Variants in SREK1IP1 observed in about 807,000 individuals in gnomAD.
SREK1IP1 encodes the protein SREK1 interacting protein 1, also known as protein SREK1IP1.
Under a neutral mutation model 22.8 loss-of-function variants are expected in SREK1IP1, and 12 were observed. That is an observed-to-expected ratio of 0.53 (90% CI 0.34 to 0.85). The LOEUF (loss-of-function observed/expected upper bound fraction) is 0.85. Ranked by LOEUF, SREK1IP1 falls within the 40% of genes least tolerant of loss-of-function variation. SREK1IP1 has a pLI of 0.02. For synonymous variants in SREK1IP1, 53 were observed against 52.7 expected (o/e 1.01, Z -0.02); for missense variants, 147 against 171.8 (o/e 0.86, Z 0.81).
intron 2 of SREK1IP1, among the ~76,000 whole-genome samples, chr5:64,753,011 G>T (rs528270582): frequency 4.6e-5 from 7 of 152,242 alleles, no homozygotes; most frequent in African/African-American, 1.7e-4. Context: ...TTGACAAAAC[G>T]ATTTGCTGAC....
chr5:64,724,655 T>A (rs1321666721), intron 4 of SREK1IP1, 82 bp from the exon 5 acceptor site: 2 of 1,135,880 alleles, frequency 1.8e-6, no homozygotes, highest in East Asian at 5.0e-5. Flanking sequence ...CTGCCTTAAA[T>A]TCTTCTTGGA....
intron 1 of SREK1IP1, among the ~76,000 whole-genome samples, chr5:64,767,275 T>C (rs745551593): frequency 7.2e-5 from 11 of 152,238 alleles, no homozygotes; most frequent in Non-Finnish European, 1.6e-4. Context: ...TTTGGTGCCC[T>C]TACTTTGTGC....
In SREK1IP1 at chr5:64,755,908, G is replaced by GA. The variant is rs547138032; in HGVS notation, c.14-1547dup. ...ATATTCTCCTGTTTTCCATTAGAAGGAAAAAATATCTAATTTCTTATAGGA... is the reference window on the plus strand; with the variant it reads ...ATATTCTCCTGTTTTCCATTAGAAGGAAAAAAATATCTAATTTCTTATAGGA... On this transcript the variant is annotated intron_variant, in intron 1 of 4. Transcript: ENST00000513458. 1.6e-3 allele frequency among the ~76,000 whole-genome samples: 243 copies of GA among 151,750 alleles called. 1 individual carries two copies. Among genetic ancestry groups the GA allele is most frequent in the African/African-American group, 5.6e-3 (232 of 41,420 alleles).
rs145863790 is a variant in SREK1IP1 at position 64,720,011 on chromosome 5, T to A, written c.*4373A>T. The A allele has an allele frequency of 2.0e-5, 3 of 152,354 alleles. No individual in the cohort carries two copies. Among genetic ancestry groups the A allele is most frequent in the African/African-American group, 7.2e-5 (3 of 41,572 alleles). The allele number at this position is 152,354 out of a possible 1,614,324, so 9.4% of individuals were successfully genotyped here. A position where few individuals can be genotyped will look rare whatever the true frequency, so the allele number is the denominator to read the frequency against. On this transcript the variant is annotated 3_prime_UTR_variant, in exon 5 of 5. Transcript: ENST00000513458. ...ACCTGAGGTAGAACCACAGGGCTCATCCAGTGGACCAACTGGTATGTTTCT... is the reference window on the plus strand; with the variant it reads ...ACCTGAGGTAGAACCACAGGGCTCAACCAGTGGACCAACTGGTATGTTTCT...
At position 64,723,890 on chromosome 5, in the gene SREK1IP1, C is replaced by T. The variant is rs1488688105; in HGVS notation, c.*494G>A. 2 of 152,512 alleles carry T rather than the reference C, an allele frequency of 1.3e-5. No homozygotes were observed. The highest frequency in any genetic ancestry group is 4.8e-5 in the African/African-American group (2 of 41,412). The allele number at this position is 152,512 out of a possible 1,614,324, so 9.4% of individuals were successfully genotyped here. On this transcript the variant is annotated 3_prime_UTR_variant, in exon 5 of 5. Transcript: ENST00000513458. ...AAAAAATCCCTAGAGATTTAAAAAA[C>T]TGAAGAATTTCACTATCTTTAAAAG...
intron 1 of SREK1IP1, among the ~76,000 whole-genome samples, chr5:64,762,896 C>G (rs1742974703): frequency 6.6e-6 from 1 of 151,468 alleles, no homozygotes; most frequent in Admixed American, 6.6e-5. Context: ...TACTAAAATT[C>G]CAAAAATTAG....
chr5:64,740,664 C>T (rs987381294), intron 3 of SREK1IP1, among the ~76,000 whole-genome samples: 2 of 152,104 alleles, frequency 1.3e-5, no homozygotes, highest in African/African-American at 4.8e-5. Context: ...TTTGACAATC[C>T]AACATTTTGT....
intron 3 of SREK1IP1, among the ~76,000 whole-genome samples, chr5:64,732,765 T>C (rs1742400595): frequency 1.3e-5 from 2 of 152,094 alleles, no homozygotes; most frequent in Non-Finnish European, 2.9e-5. Context: ...AAGAATAAAG[T>C]GGGAAGAATT....
In SREK1IP1 at chr5:64,759,490, A is replaced by G. The variant is rs532200465; in HGVS notation, c.14-5128T>C. Among the ~76,000 whole-genome samples, 43 of 152,318 alleles carry G rather than the reference A, an allele frequency of 2.8e-4. 1 individual carries two copies. In the South Asian group the frequency reaches 8.7e-3, roughly 31 times the overall value. On this transcript the variant is annotated intron_variant, in intron 1 of 4. Coordinates refer to ENST00000513458, the MANE Select transcript of SREK1IP1 (RefSeq NM_173829.4). ...CCTTTCTAATCATGACCTGCAATCC[A>G]AAAGGCATTATATAAAAACTTATAA...
chr5:64,730,777 A>G (rs1003462425), intron 3 of SREK1IP1, among the ~76,000 whole-genome samples: 1 of 152,216 alleles, frequency 6.6e-6, no homozygotes, highest in Non-Finnish European at 1.5e-5. Flanking sequence ...ATTAGGGATC[A>G]TGAATTTATA....
chr5:64,740,996 T>C, intron 3 of SREK1IP1, 61 bp downstream of exon 3: 1 of 1,442,210 alleles, frequency 6.9e-7, no homozygotes, highest in Non-Finnish European at 9.6e-7. Flanking sequence ...ATGGAAAGCA[T>C]GATATAATAT....
intron 1 of SREK1IP1, among the ~76,000 whole-genome samples, chr5:64,760,968 A>G (rs1240820691): frequency 6.6e-6 from 1 of 152,238 alleles, no homozygotes; most frequent in East Asian, 1.9e-4. Flanking sequence ...ACCAATCTGG[A>G]AAATCTCCCT....
intron 3 of SREK1IP1, among the ~76,000 whole-genome samples, chr5:64,734,970 A>G (rs957161979): frequency 6.6e-6 from 1 of 152,048 alleles, no homozygotes; most frequent in Non-Finnish European, 1.5e-5. Context: ...ATGAGTGGAC[A>G]TATTTGCCTT....
chr5:64,767,584 C>T (rs889064883), intron 1 of SREK1IP1, among the ~76,000 whole-genome samples: 2 of 152,192 alleles, frequency 1.3e-5, no homozygotes, highest in Non-Finnish European at 1.5e-5. Context: ...AATAAAGAAC[C>T]TGGTCAAATA....
chr5:64,724,043 T>C lies in SREK1IP1; in HGVS notation c.*341A>G. On this transcript the variant is annotated 3_prime_UTR_variant, in exon 5 of 5. Transcript: ENST00000513458. ...CAATACTCATTAACTGCTAGGTAGA[T>C]GACCCATGTTGATGGCAGTAAAGCC... is the stretch of plus-strand genomic sequence containing the variant. 5.7e-6 allele frequency: 1 copy of C among 175,644 alleles called. No individual in the cohort carries two copies. The highest frequency in any genetic ancestry group is 6.0e-5 in the Admixed American group (1 of 16,536). The allele number at this position is 175,644 out of a possible 1,614,324, so 10.9% of individuals were successfully genotyped here. A position where few individuals can be genotyped will look rare whatever the true frequency, so the allele number is the denominator to read the frequency against.
intron 2 of SREK1IP1, among the ~76,000 whole-genome samples, chr5:64,749,722 T>A (rs749430488): frequency 5.3e-5 from 8 of 152,208 alleles, no homozygotes; most frequent in Non-Finnish European, 1.2e-4. Flanking sequence ...ATTACAGGCA[T>A]GAGCCACTGC....
chr5:64,764,137 T>TA (rs35794297), intron 1 of SREK1IP1, among the ~76,000 whole-genome samples: 233 of 151,140 alleles, frequency 1.5e-3, no homozygotes, highest in South Asian at 8.4e-3. Context: ...TGATGAGCTT[T>TA]AAAAAAAAAA....
In SREK1IP1 at chr5:64,722,763, G is replaced by C. The variant is rs1742192467; in HGVS notation, c.*1621C>G. 6.6e-6 allele frequency: 1 copy of C among 152,190 alleles called. No individual in the cohort carries two copies. The highest frequency in any genetic ancestry group is 1.5e-5 in the Non-Finnish European group (1 of 68,036). 9.4% of individuals were successfully genotyped at this position (152,190 alleles called of 1,614,324 possible). A position where few individuals can be genotyped will look rare whatever the true frequency, so the allele number is the denominator to read the frequency against. On this transcript the variant is annotated 3_prime_UTR_variant, in exon 5 of 5. Transcript: ENST00000513458. ...GGTTATGGAAGGGTTGAAAGCGTGA[G>C]AGCTCTCATGGCTGCAATGCAGAGG...
Position 64,734,473 on chromosome 5 carries a change from G to A in SREK1IP1, c.206-6294C>T, listed in dbSNP as rs140371700. ...TTGTCGGTTTCTCAAATGGCCTGCT[G>A]GAATTTTGATTGTGATTCCTTTTTT... On this transcript the variant is annotated intron_variant, in intron 3 of 4. Transcript: ENST00000513458. Among the ~76,000 whole-genome samples, 9 of 151,568 alleles carry A rather than the reference G, an allele frequency of 5.9e-5. No individual in the cohort carries two copies. In the East Asian group the frequency reaches 1.7e-3, roughly 29 times the overall value.
Sources: allele counts gnomAD v4.1 joint callset (sites outside exome capture counted in the v4.1 genomes callset), GRCh38; gene constraint gnomAD v4.1.1; transcripts MANE v1.5; gene names NCBI Gene and HGNC (gene_info 2026-07-23, HGNC 2026-07-21).